The following NLRP7 variants were observed in gnomAD, a reference collection of about 807,000 sequenced individuals.
NLRP7 encodes the protein NACHT, LRR and PYD domains-containing protein 7.
In NLRP7, 72 loss-of-function variants were observed where a neutral mutation model predicts 85.5. The observed-to-expected ratio is 0.84, with a 90% CI of 0.70 to 1.02. The LOEUF is 1.02. Ranked by LOEUF, NLRP7 falls within the 50% of genes least tolerant of loss-of-function variation. The pLI is 0.00. For synonymous variants in NLRP7, 550 were observed against 505.2 expected, an observed-to-expected ratio of 1.09 and a Z score of -1.19; for missense variants, 1,243 against 1,219.5, an observed-to-expected ratio of 1.02 and a Z score of -0.29.
At chr19:54,939,802 G>A (rs201973549) in exon 4 of NLRP7, 48 of 1,613,834 alleles carry the variant, frequency 3.0e-5, no homozygotes, top group Middle Eastern at 1.7e-4. Flanking sequence ...CTTGGTCCTC[G>A]TCTCCAAAGT....
chr19:54,939,618 G>T lies in NLRP7; in HGVS notation c.1201C>A (p.Arg401=), dbSNP rs759172146. ...CGCAGCTGTGCGCCCTGCGGGAACCGGCTGCAGAGGAAACGCAGGAACAGC... is the reference window on the plus strand; with the variant it reads ...CGCAGCTGTGCGCCCTGCGGGAACCTGCTGCAGAGGAAACGCAGGAACAGC... Residue 401 remains arginine, a synonymous_variant, in exon 4 of 10, where the codon CGG becomes AGG. Coordinates refer to ENST00000340844, the Ensembl canonical transcript of NLRP7. 4.3e-6 allele frequency: 7 copies of T among 1,610,756 alleles called. No individual in the cohort carries two copies. In the East Asian group the frequency reaches 6.7e-5, roughly 15 times the overall value.
intron 5 of NLRP7, among the ~76,000 whole-genome samples, chr19:54,937,083 T>G (rs951638551): frequency 3.4e-5 from 5 of 147,608 alleles, no homozygotes; most frequent in African/African-American, 1.3e-4. Context: ...CCGGGCGTGG[T>G]GGCGGGCGCC....
chr19:54,933,014 A>C (rs2068740842), intron 8 of NLRP7, among the ~76,000 whole-genome samples: 1 of 152,168 alleles, frequency 6.6e-6, no homozygotes, highest in African/African-American at 2.4e-5. Context: ...TGTCATAGGA[A>C]TTTGAAAGAA....
intron 1 of NLRP7, among the ~76,000 whole-genome samples, chr19:54,960,485 C>T (rs2070004468): frequency 1.3e-5 from 2 of 151,836 alleles, no homozygotes; most frequent in African/African-American, 4.8e-5. Context: ...TCCTTCTCCC[C>T]AGCCACCCAT....
chr19:54,934,323 C>A lies in NLRP7; in HGVS notation c.2471+166G>T, dbSNP rs576671523. Among the ~76,000 whole-genome samples the A allele has an allele frequency of 9.2e-5, 14 of 152,208 alleles. No homozygotes were observed. Among genetic ancestry groups the A allele is most frequent in the Admixed American group, 9.2e-4 (14 of 15,272 alleles). ...AACTCCTGAACTCAGATGATCCGCC[C>A]ACCTCTCTGCTGAGATTACAGGCAG... On this transcript the variant is annotated intron_variant, in intron 7 of 9. Coordinates refer to ENST00000340844, the Ensembl canonical transcript of NLRP7. This position sits in a 1 kb window ranked among gnomAD's most constrained non-coding sequence, Gnocchi z 6.7.
rs142742809 is a variant in NLRP7, at chr19:54,933,020, A to T, written c.2642+549T>A. On this transcript the variant is annotated intron_variant, in intron 8 of 9. Coordinates refer to ENST00000340844, the Ensembl canonical transcript of NLRP7. ...GCAGTACTATGTCATAGGAATTTGA[A>T]AGAACACACACAAAGCATCAGATCC... Among the ~76,000 whole-genome samples the T allele has an allele frequency of 1.4e-3, 217 of 152,274 alleles. 1 individual carries two copies. The highest frequency in any genetic ancestry group is 2.8e-3 in the Non-Finnish European group (190 of 68,022).
rs1018743028 is a variant in NLRP7 at position 54,934,994 on chromosome 19, G to A, written c.2301-335C>T. 1.6e-4 allele frequency among the ~76,000 whole-genome samples: 25 copies of A among 152,118 alleles called. No individual in the cohort carries two copies. The highest frequency in any genetic ancestry group is 7.2e-5 in the African/African-American group (3 of 41,426). ...TTACAGGTGTGAGCCACCGCGCCTGGCCCAGATCAGCTTCTTCTGCTTCAC... is the reference window on the plus strand; with the variant it reads ...TTACAGGTGTGAGCCACCGCGCCTGACCCAGATCAGCTTCTTCTGCTTCAC... On this transcript the variant is annotated intron_variant, in intron 6 of 9. Coordinates refer to ENST00000340844, the Ensembl canonical transcript of NLRP7. This position sits in a 1 kb window ranked among gnomAD's most constrained non-coding sequence, Gnocchi z 6.7.
At chr19:54,953,685 G>C (rs572740406) in intron 1 of NLRP7, among the ~76,000 whole-genome samples, 2 of 151,632 alleles carry the variant, frequency 1.3e-5, no homozygotes, top group Non-Finnish European at 2.9e-5. Context: ...CAATATGAGG[G>C]GTGGTCTCCT....
upstream of NLRP7, chr19:54,948,904 T>TA (rs2069582490): frequency 5.2e-6 from 1 of 191,734 alleles, no homozygotes; most frequent in Admixed American, 4.8e-5. Flanking sequence ...TTTGGTAGTT[T>TA]AAACTGTTAA....
At chr19:54,945,503 C>T (rs1186874895) in intron 1 of NLRP7, among the ~76,000 whole-genome samples, 1 of 151,986 alleles carries the variant, frequency 6.6e-6, no homozygotes, top group Non-Finnish European at 1.5e-5. Flanking sequence ...CTCCTGACCT[C>T]AGGTGATCTG....
At chr19:54,939,168 G>A (rs1602167761) in exon 4 of NLRP7, 1 of 1,614,242 alleles carries the variant, frequency 6.2e-7, no homozygotes, top group Non-Finnish European at 8.5e-7. Context: ...TTGCATTGCA[G>A]CAATTCCTGT....
At chr19:54,944,899 T>C (rs2146245314) in intron 1 of NLRP7, among the ~76,000 whole-genome samples, 1 of 152,250 alleles carries the variant, frequency 6.6e-6, no homozygotes, top group African/African-American at 2.4e-5. Context: ...CTTCATATAG[T>C]TGCCTTTCGT....
intron 5 of NLRP7, among the ~76,000 whole-genome samples, chr19:54,937,318 A>G (rs1263762683): frequency 2.0e-5 from 3 of 151,858 alleles, no homozygotes; most frequent in African/African-American, 7.3e-5. Context: ...ACAAACTCCT[A>G]TGACACACGG....
intron 9 of NLRP7, among the ~76,000 whole-genome samples, chr19:54,925,866 G>C (rs914049238): frequency 7.9e-5 from 12 of 151,918 alleles, no homozygotes; most frequent in African/African-American, 2.9e-4. Context: ...CGGGCGTGGT[G>C]GCGGGCGCCT....
At position 54,923,724 on chromosome 19, in the gene NLRP7, A is replaced by C. The variant is rs1274539272; in HGVS notation, c.*16T>G. On this transcript the variant is annotated 3_prime_UTR_variant, in exon 10 of 10. Coordinates refer to ENST00000340844, the Ensembl canonical transcript of NLRP7. The stretch of plus-strand genomic sequence containing the variant: ...ATCCCGCTTCCTGTGTAATTCGTAG[A>C]GCGATCCCAGGCTGCTCAGCAAAAA... 8 of 1,612,364 alleles carry C rather than the reference A, an allele frequency of 5.0e-6. No homozygotes were observed. The South Asian group carries it at 7.7e-5, about 16-fold the overall frequency.
chr19:54,964,428 G>C (rs2070230861), intron 1 of NLRP7, among the ~76,000 whole-genome samples: 1 of 150,744 alleles, frequency 6.6e-6, no homozygotes, highest in South Asian at 2.1e-4. Flanking sequence ...GTGTTAGCCA[G>C]GATGGTCTCG....
chr19:54,938,065 G>A, exon 5 of NLRP7: 1 of 1,613,974 alleles, frequency 6.2e-7, no homozygotes, highest in Non-Finnish European at 8.5e-7. Flanking sequence ...CAGATGACAG[G>A]TGCTACGGGT....
intron 6 of NLRP7, among the ~76,000 whole-genome samples, chr19:54,935,779 T>C (rs964135715): frequency 1.3e-5 from 2 of 151,626 alleles, no homozygotes; most frequent in South Asian, 2.1e-4. Flanking sequence ...TGATCTGAGA[T>C]TGATGATCCA....
intron 1 of NLRP7, among the ~76,000 whole-genome samples, chr19:54,955,006 C>A (rs983573299): frequency 6.6e-6 from 1 of 151,954 alleles, no homozygotes; most frequent in Non-Finnish European, 1.5e-5. Context: ...ACCCACCATG[C>A]CCAGCTCGTC....
Sources: allele counts gnomAD v4.1 joint callset (sites outside exome capture counted in the v4.1 genomes callset), GRCh38; gene constraint gnomAD v4.1.1; non-coding constraint Gnocchi (gnomAD v3.1); transcripts MANE v1.5; gene names NCBI Gene and HGNC (gene_info 2026-07-23, HGNC 2026-07-21).